Variants in ARMC5 observed in about 807,000 individuals in gnomAD.
The protein encoded by ARMC5 is armadillo repeat containing 5, also known as armadillo repeat-containing protein 5.
Under a neutral mutation model 60.5 loss-of-function variants are expected in ARMC5, and 28 were observed. The observed-to-expected ratio is 0.46, with a 90% CI of 0.34 to 0.63. The LOEUF (loss-of-function observed/expected upper bound fraction) is 0.63, where lower values mean the gene tolerates loss of function less well. Among genes scored for constraint, ARMC5 ranks in the 30% least tolerant of loss-of-function variants. ARMC5 has a pLI of 0.01. For synonymous variants in ARMC5, 680 were observed against 607.3 expected, an observed-to-expected ratio of 1.12 and a Z score of -1.76; for missense variants, 1,189 against 1,304.9, an observed-to-expected ratio of 0.91 and a Z score of 1.37.
rs998375191 is a variant in ARMC5 at position 31,462,899 on chromosome 16, G to C, written c.1352G>C (p.Gly451Ala). ...EERTPERAQG[G>A]SFRSLRSWLI... ...AGGACCCCTGAGCGGGCACAGGGTGGAAGCTTCCGGAGCCTCAGGTGAGTC... is the reference window on the plus strand; with the variant it reads ...AGGACCCCTGAGCGGGCACAGGGTGCAAGCTTCCGGAGCCTCAGGTGAGTC... Residue 451 changes from glycine (G) to alanine (A), a missense_variant, in exon 3 of 6, where the codon GGA (glycine) becomes GCA (alanine). This residue lies in a region of ARMC5 where 862 missense variants were observed against 1,071.2 expected (regional missense o/e 0.80). Transcript: ENST00000268314. The surrounding 1 kb of genome is among the most constrained non-coding windows in gnomAD (Gnocchi z 7.2). 4 of 1,598,978 alleles carry C rather than the reference G, an allele frequency of 2.5e-6. No individual in the cohort carries two copies. Among genetic ancestry groups the C allele is most frequent in the Non-Finnish European group, 3.4e-6 (4 of 1,172,550 alleles).
rs746216354 is a variant in ARMC5, at chr16:31,466,643, C to T, written c.2562C>T (p.Ala854=). 54 of 1,592,186 alleles carry T rather than the reference C, an allele frequency of 3.4e-5. No individual in the cohort carries two copies. Among genetic ancestry groups the T allele is most frequent in the Middle Eastern group, 1.7e-4 (1 of 6,048 alleles). Residue 854 remains alanine (A), a synonymous_variant, in exon 6 of 6, where the codon GCC becomes GCT. Coordinates refer to ENST00000268314, the MANE Select transcript of ARMC5 (RefSeq NM_001105247.2). The surrounding 1 kb of genome is among the most constrained non-coding windows in gnomAD (Gnocchi z 8.0). Reference sequence around the variant, plus strand: ...GGCTGGAGGAGGAGCTGGAAGAGGCCGTGGGCCGCATCCACCTGGGACCCC... The same window carrying T: ...GGCTGGAGGAGGAGCTGGAAGAGGCTGTGGGCCGCATCCACCTGGGACCCC... ...LPGLEEELEE[A]VGRIHLGPQG... is the part of the protein sequence containing the mutation.
At chr16:31,465,271 C>A (rs2082346036) in intron 4 of ARMC5, 5 of 1,516,476 alleles carry the variant, frequency 3.3e-6, no homozygotes, top group Non-Finnish European at 3.5e-6. Context: ...CCAGGGACTG[C>A]CCTGTCTGCT....
upstream of ARMC5, chr16:31,459,245 G>A: frequency 6.5e-7 from 1 of 1,533,236 alleles, no homozygotes; most frequent in East Asian, 2.4e-5. Flanking sequence ...CCCTGGAAGA[G>A]TTTCCAGCGC....
In ARMC5 at chr16:31,465,860, A is replaced by G. The variant is rs777765027; in HGVS notation, c.1875A>G (p.Leu625=). The G allele has an allele frequency of 3.7e-6, 6 of 1,609,470 alleles. No individual in the cohort carries two copies. In the South Asian group the frequency reaches 4.4e-5, roughly 12 times the overall value. The part of the protein sequence containing the change: ...HSRHRELGER[L]LQNLTVQAES... ...GCTTTCCACTCACAGGGGAGAGGCT[A>G]CTGCAGAACCTGACGGTTCAGGCTG... Residue 625 remains leucine, a synonymous_variant, in exon 5 of 6, where the codon CTA becomes CTG. Transcript: ENST00000268314.
At chr16:31,459,352 C>A, upstream of ARMC5, 1 of 1,535,980 alleles carries the variant, frequency 6.5e-7, no homozygotes, top group Non-Finnish European at 8.7e-7. Context: ...TACTGCCGCG[C>A]CTCGTGTGCA....
intron 1 of ARMC5, among the ~76,000 whole-genome samples, chr16:31,461,292 C>T (rs2082301517): frequency 6.6e-6 from 1 of 152,134 alleles, no homozygotes; most frequent in African/African-American, 2.4e-5. Flanking sequence ...GTGTCACTCC[C>T]CTTCATAAAA....
At chr16:31,459,050 T>A (rs963450747), upstream of ARMC5, 3 of 1,508,736 alleles carry the variant, frequency 2.0e-6, no homozygotes, top group African/African-American at 4.2e-5. Flanking sequence ...CCCCGCACTT[T>A]CGGCCCGGCT....
At chr16:31,460,100 A>ACG in intron 1 of ARMC5, 101 bp downstream of exon 1, 1 of 1,304,554 alleles carries the variant, frequency 7.7e-7, no homozygotes, top group South Asian at 1.3e-5. Context: ...TCCCGGAATA[A>ACG]CGTGCTTTGT....
rs11374860 is a variant in ARMC5 at position 31,464,156 on chromosome 16, T to TG, written c.1371-237dup. ...CATTTAAAAAATTAGCTGAGTGTGGTGCACACAGCTGTAGTGCCAGCTACT... is the reference window on the plus strand; with the variant it reads ...CATTTAAAAAATTAGCTGAGTGTGGTGGCACACAGCTGTAGTGCCAGCTACT... On this transcript the variant is annotated intron_variant, in intron 3 of 5. Transcript: ENST00000268314. This position sits in a 1 kb window ranked among gnomAD's most constrained non-coding sequence, Gnocchi z 7.6. Among the ~76,000 whole-genome samples the TG allele has an allele frequency of 0.3, 44,999 of 151,696 alleles. 7,165 individuals carry two copies. Among genetic ancestry groups the TG allele is most frequent in the African/African-American group, 0.41 (16,921 of 41,324 alleles).
In ARMC5 at chr16:31,459,879, C is replaced by T. The variant is rs1435249845; in HGVS notation, c.355C>T (p.Pro119Ser). 6.2e-7 allele frequency: 1 copy of T among 1,605,086 alleles called. No homozygotes were observed. Among genetic ancestry groups the T allele is most frequent in the South Asian group, 1.1e-5 (1 of 91,044 alleles). Residue 119 changes from proline (P) to serine (S), a missense_variant, in exon 1 of 6, where the codon CCT (proline) becomes TCT (serine). Physicochemically the swap from Pro to Ser is moderately conservative, Grantham distance 74. Around this residue, in one of 2 missense-constraint regions of ARMC5, gnomAD observed 327 missense variants for 233.7 expected, o/e 1.40. Coordinates refer to ENST00000268314, the MANE Select transcript of ARMC5 (RefSeq NM_001105247.2). ...CCCCTCCGCTGTGTCGTCGTCTAGT[C>T]CTACGCCGCCAGTGCGCCTGCGCAA... is the stretch of plus-strand genomic sequence containing the variant. ...PAPSAVSSSS[P>S]TPPVRLRKTL...
Position 31,459,605 on chromosome 16 carries a change from G to T in ARMC5, c.81G>T (p.Leu27=), listed in dbSNP as rs201624683. The change falls in exon 1 of 6, where the codon CTG becomes CTT. Residue 27 remains leucine, a synonymous_variant. Coordinates refer to ENST00000268314, the MANE Select transcript of ARMC5 (RefSeq NM_001105247.2). The part of the protein sequence containing the change: ...AQLAAAAGEA[L]GGEKDPATNE... Reference sequence around the variant, plus strand: ...TCGCGGCGGCGGCCGGGGAGGCTCTGGGTGGGGAAAAGGACCCAGCGACCA... The same window carrying T: ...TCGCGGCGGCGGCCGGGGAGGCTCTTGGTGGGGAAAAGGACCCAGCGACCA... 1.1e-4 allele frequency: 183 copies of T among 1,600,682 alleles called. No individual in the cohort carries two copies. The Middle Eastern group carries it at 1.3e-3, about 12-fold the overall frequency.
In ARMC5 at chr16:31,466,205, C is replaced by G. The variant is rs1037083298; in HGVS notation, c.2124C>G (p.Leu708=). ...LFFAADSLSC[L]QDLVSPTVSP... ...TTGCCGCGGACTCCCTTTCCTGCCTCCAAGACCTGGTGTCTCCCACTGTGA... is the reference window on the plus strand; with the variant it reads ...TTGCCGCGGACTCCCTTTCCTGCCTGCAAGACCTGGTGTCTCCCACTGTGA... Residue 708 remains leucine, a synonymous_variant, in exon 6 of 6, where the codon CTC becomes CTG. Coordinates refer to ENST00000268314, the MANE Select transcript of ARMC5 (RefSeq NM_001105247.2). The surrounding 1 kb of genome is among the most constrained non-coding windows in gnomAD (Gnocchi z 8.0). 1 of 1,613,500 alleles carries G rather than the reference C, an allele frequency of 6.2e-7. No homozygotes were observed. The highest frequency in any genetic ancestry group is 1.1e-5 in the South Asian group (1 of 91,084).
At position 31,464,613 on chromosome 16, in the gene ARMC5, G is replaced by C. The variant is rs370922403; in HGVS notation, c.1590G>C (p.Ser530=). The change falls in exon 4 of 6, where the codon TCG becomes TCC. Residue 530 remains serine, a synonymous_variant. Transcript: ENST00000268314. This position sits in a 1 kb window ranked among gnomAD's most constrained non-coding sequence, Gnocchi z 7.6. ...AAGGGCCAGCCCTGCTGCTGCTGTC[G>C]CGCTTTTCCCAGGCCCCTGACCCAA... ...GREGPALLLL[S]RFSQAPDPSG... is the part of the protein sequence containing the mutation. 1 of 1,594,184 alleles carries C rather than the reference G, an allele frequency of 6.3e-7. No individual in the cohort carries two copies. The highest frequency in any genetic ancestry group is 1.1e-5 in the South Asian group (1 of 89,986).
chr16:31,460,345 A>G (rs1394431208), intron 1 of ARMC5: 6 of 275,962 alleles, frequency 2.2e-5, no homozygotes, highest in Admixed American at 1.8e-4. Context: ...GTGCCCAACT[A>G]TGTGTCCGGC....
At chr16:31,460,192 A>C (rs1435159335) in intron 1 of ARMC5, 193 bp downstream of exon 1, 7 of 571,576 alleles carry the variant, frequency 1.2e-5, no homozygotes, top group Non-Finnish European at 2.0e-5. Context: ...GAGCCCTCCC[A>C]GACCAGATAA....
chr16:31,459,147 G>A (rs2082274050), upstream of ARMC5: 7 of 1,498,772 alleles, frequency 4.7e-6, no homozygotes, highest in South Asian at 1.3e-5. Flanking sequence ...GGCGGTCCCC[G>A]CCGAGTGCAC....
upstream of ARMC5, chr16:31,458,641 G>A (rs1034985926): frequency 7.0e-4 from 1,008 of 1,436,568 alleles, 2 homozygotes; most frequent in Non-Finnish European, 8.7e-4. Context: ...TCCTCCCCAG[G>A]GCTAGAGCCT....
chr16:31,458,412 G>A (rs1201535081), upstream of ARMC5: 3 of 1,535,636 alleles, frequency 2.0e-6, no homozygotes, highest in Admixed American at 3.9e-5. Context: ...CACACTCGGG[G>A]CAGGAGTACG....
At chr16:31,458,375 G>A (rs1468551151), upstream of ARMC5, 2 of 1,533,538 alleles carry the variant, frequency 1.3e-6, no homozygotes, top group Admixed American at 2.0e-5. Flanking sequence ...ACCACACTAG[G>A]CACAGGCATA....
Sources: gnomAD v4.1 joint callset for allele counts (sites outside exome capture counted in the v4.1 genomes callset) on GRCh38, gnomAD v4.1.1 for gene constraint, gnomAD v4.1.1 regional missense constraint, Gnocchi (gnomAD v3.1) non-coding constraint, MANE v1.5 for transcripts, NCBI Gene and HGNC (gene_info 2026-07-23, HGNC 2026-07-21) for gene names.